Variants in FZD1 observed in about 807,000 individuals in gnomAD.
The protein encoded by FZD1 is frizzled-1.
Under a neutral mutation model 48.0 loss-of-function variants are expected in FZD1, and 22 were observed. That is an observed-to-expected ratio of 0.46 (90% CI 0.33 to 0.65). The LOEUF (loss-of-function observed/expected upper bound fraction) is 0.65. Among genes scored for constraint, FZD1 ranks in the 30% least tolerant of loss-of-function variants. The pLI, the probability that FZD1 is intolerant of heterozygous loss-of-function variation, is 0.02. For missense variants in FZD1, 843 were observed against 898.1 expected, an observed-to-expected ratio of 0.94 and a Z score of 0.78; for synonymous variants, 486 against 409.6, an observed-to-expected ratio of 1.19 and a Z score of -2.25.
Position 91,267,011 on chromosome 7 carries a change from G to A in FZD1, c.*187G>A, listed in dbSNP as rs1803895826. On this transcript the variant is annotated 3_prime_UTR_variant, in exon 1 of 1. Coordinates refer to ENST00000287934, the MANE Select transcript of FZD1 (RefSeq NM_003505.2). ...GTCCCTGAGGCAAAAGGACACGAGG[G>A]CCCGACTGCCAGAGGGAGGATGGAC... The A allele has an allele frequency of 2.5e-5, 14 of 563,984 alleles. No homozygotes were observed. In the East Asian group the frequency reaches 3.8e-4, roughly 15 times the overall value. The allele number at this position is 563,984 out of a possible 1,614,324, so 34.9% of individuals were successfully genotyped here.
chr7:91,269,521 T>G lies in FZD1; in HGVS notation c.*2697T>G, dbSNP rs1357004570. 1 of 166,974 alleles carries G rather than the reference T, an allele frequency of 6.0e-6. No individual in the cohort carries two copies. Among genetic ancestry groups the G allele is most frequent in the Non-Finnish European group, 1.5e-5 (1 of 68,066 alleles). The allele number at this position is 166,974 out of a possible 1,614,324, so 10.3% of individuals were successfully genotyped here. A position where few individuals can be genotyped will look rare whatever the true frequency, so the allele number is the denominator to read the frequency against. ...TTACTAAATTTTCCCATGAAAACAT[T>G]TTGTGATAAAATGACAAGGGACTAA... On this transcript the variant is annotated 3_prime_UTR_variant, in exon 1 of 1. Transcript: ENST00000287934.
Position 91,265,789 on chromosome 7 carries a change from C to T in FZD1, c.909C>T (p.Thr303=). ...ACTGCGGCGCACCTTGTGAGCCGAC[C>T]AAGGTGTATGGGCTCATGTACTTCG... The part of the protein sequence containing the change: ...EKDCGAPCEP[T]KVYGLMYFGP... Residue 303 remains threonine (T), a synonymous_variant, in exon 1 of 1, where the codon ACC becomes ACT. Transcript: ENST00000287934. This position sits in a 1 kb window ranked among gnomAD's most constrained non-coding sequence, Gnocchi z 6.9. 1 of 1,612,682 alleles carries T rather than the reference C, an allele frequency of 6.2e-7. No homozygotes were observed. The highest frequency in any genetic ancestry group is 8.5e-7 in the Non-Finnish European group (1 of 1,179,088).
chr7:91,264,474 G>A lies in FZD1; in HGVS notation c.-407G>A. On this transcript the variant is annotated 5_prime_UTR_variant, in exon 1 of 1. Transcript: ENST00000287934. ...AGGCAGAGGAGAGGGAGCGAGTTGA[G>A]GGATTGACACAAATGGTCAGGCGGC... The A allele has an allele frequency of 3.7e-6, 1 of 268,426 alleles. No individual in the cohort carries two copies. 16.6% of individuals were successfully genotyped at this position (268,426 alleles called of 1,614,324 possible). A position where few individuals can be genotyped will look rare whatever the true frequency, so the allele number is the denominator to read the frequency against.
Position 91,264,629 on chromosome 7 carries a change from G to A in FZD1, c.-252G>A. ...CGGGAGCCAGCGAGCCGAGGGCCAGGAAGGCGGGACACGACCCCGGCGCGC... is the reference window on the plus strand; with the variant it reads ...CGGGAGCCAGCGAGCCGAGGGCCAGAAAGGCGGGACACGACCCCGGCGCGC... On this transcript the variant is annotated 5_prime_UTR_variant, in exon 1 of 1. Coordinates refer to ENST00000287934, the MANE Select transcript of FZD1 (RefSeq NM_003505.2). The A allele has an allele frequency of 2.6e-6, 1 of 383,724 alleles. No individual in the cohort carries two copies. Among genetic ancestry groups the A allele is most frequent in the East Asian group, 3.8e-5 (1 of 26,644 alleles). The allele number at this position is 383,724 out of a possible 1,614,324, so 23.8% of individuals were successfully genotyped here. A position where few individuals can be genotyped will look rare whatever the true frequency, so the allele number is the denominator to read the frequency against.
rs1425287080 is a variant in FZD1, at chr7:91,267,715, G to T, written c.*891G>T. 2 of 167,092 alleles carry T rather than the reference G, an allele frequency of 1.2e-5. No homozygotes were observed. Among genetic ancestry groups the T allele is most frequent in the African/African-American group, 2.4e-5 (1 of 41,446 alleles). 10.4% of individuals were successfully genotyped at this position (167,092 alleles called of 1,614,324 possible). A position where few individuals can be genotyped will look rare whatever the true frequency, so the allele number is the denominator to read the frequency against. ...CCTTAGTTGGTTACAGGGTGAGTGA[G>T]ATAACCAATGCCAAACTTTTTGAAG... is the stretch of plus-strand genomic sequence containing the variant. On this transcript the variant is annotated 3_prime_UTR_variant, in exon 1 of 1. Transcript: ENST00000287934.
Position 91,264,788 on chromosome 7 carries a change from GCGC to G in FZD1, c.-92_-90del. ...GGCTTGGGCTCGACGGAGGGCACCC[GCGC>G]AGAGGTCTCCCTGGCCGCAGGGGGA... is the stretch of plus-strand genomic sequence containing the variant. On this transcript the variant is annotated 5_prime_UTR_variant, in exon 1 of 1. Transcript: ENST00000287934. 1.2e-6 allele frequency: 1 copy of G among 853,652 alleles called. No homozygotes were observed. The highest frequency in any genetic ancestry group is 3.4e-5 in the East Asian group (1 of 29,608). The allele number at this position is 853,652 out of a possible 1,614,324, so 52.9% of individuals were successfully genotyped here.
chr7:91,265,693 A>C lies in FZD1; in HGVS notation c.813A>C (p.Arg271=). ...CGGGGGGCGCCGGCGCGTCGGAGCG[A>C]GGCAAGTTCTCCTGCCCGCGCGCCC... ...GFPGGAGASE[R]GKFSCPRALK... Residue 271 remains arginine, a synonymous_variant, in exon 1 of 1, where the codon CGA becomes CGC. Coordinates refer to ENST00000287934, the MANE Select transcript of FZD1 (RefSeq NM_003505.2). The surrounding 1 kb of genome is among the most constrained non-coding windows in gnomAD (Gnocchi z 6.9). The C allele has an allele frequency of 6.3e-7, 1 of 1,592,986 alleles. No individual in the cohort carries two copies. The highest frequency in any genetic ancestry group is 8.5e-7 in the Non-Finnish European group (1 of 1,170,856).
In FZD1 at chr7:91,269,412, A is replaced by C. The variant is rs996873283; in HGVS notation, c.*2588A>C. Reference sequence around the variant, plus strand: ...AAATAGAGATGTAAAGTTTACTTACATTTCATAATATGGAAATATGGTTAT... The same window carrying C: ...AAATAGAGATGTAAAGTTTACTTACCTTTCATAATATGGAAATATGGTTAT... On this transcript the variant is annotated 3_prime_UTR_variant, in exon 1 of 1. Coordinates refer to ENST00000287934, the MANE Select transcript of FZD1 (RefSeq NM_003505.2). 5.4e-5 allele frequency: 9 copies of C among 167,016 alleles called. No individual in the cohort carries two copies. Among genetic ancestry groups the C allele is most frequent in the Non-Finnish European group, 1.2e-4 (8 of 68,082 alleles). 10.3% of individuals were successfully genotyped at this position (167,016 alleles called of 1,614,324 possible). A position where few individuals can be genotyped will look rare whatever the true frequency, so the allele number is the denominator to read the frequency against.
In FZD1 at chr7:91,266,680, C is replaced by T. The variant is rs1334944246; in HGVS notation, c.1800C>T (p.Phe600=). Residue 600 remains phenylalanine (F), a synonymous_variant, in exon 1 of 1, where the codon TTC becomes TTT. Transcript: ENST00000287934. The surrounding 1 kb of genome is among the most constrained non-coding windows in gnomAD (Gnocchi z 6.8). ...CGCACCCGCCCATGAGCCCGGACTT[C>T]ACGGTCTTCATGATTAAGTACCTTA... is the stretch of plus-strand genomic sequence containing the variant. The part of the protein sequence containing the change: ...APPHPPMSPD[F]TVFMIKYLMT... The T allele has an allele frequency of 7.4e-6, 12 of 1,612,774 alleles. No homozygotes were observed. The highest frequency in any genetic ancestry group is 9.3e-6 in the Non-Finnish European group (11 of 1,179,310).
chr7:91,266,329 C>T lies in FZD1; in HGVS notation c.1449C>T (p.Asn483=). The change falls in exon 1 of 1, where the codon AAC becomes AAT. Residue 483 remains asparagine, a synonymous_variant. Transcript: ENST00000287934. This position sits in a 1 kb window ranked among gnomAD's most constrained non-coding sequence, Gnocchi z 6.8. ...GAGTGTGCTTCGTGGGGCTTAACAACGTGGACGCGCTGCGTGGCTTCGTGC... is the reference window on the plus strand; with the variant it reads ...GAGTGTGCTTCGTGGGGCTTAACAATGTGGACGCGCTGCGTGGCTTCGTGC... The part of the protein sequence containing the change: ...LSGVCFVGLN[N]VDALRGFVLA... 2 of 1,614,152 alleles carry T rather than the reference C, an allele frequency of 1.2e-6. No homozygotes were observed. Among genetic ancestry groups the T allele is most frequent in the African/African-American group, 1.3e-5 (1 of 75,078 alleles).
In FZD1 at chr7:91,269,322, A is replaced by G. The variant is rs1322164730; in HGVS notation, c.*2498A>G. 1 of 166,846 alleles carries G rather than the reference A, an allele frequency of 6.0e-6. No individual in the cohort carries two copies. The highest frequency in any genetic ancestry group is 6.5e-5 in the Admixed American group (1 of 15,278). The allele number at this position is 166,846 out of a possible 1,614,324, so 10.3% of individuals were successfully genotyped here. A position where few individuals can be genotyped will look rare whatever the true frequency, so the allele number is the denominator to read the frequency against. ...GTCTACTCTTAGTCAGAATTTATGC[A>G]TGGGTGTATATATGTGTATATATAG... is the stretch of plus-strand genomic sequence containing the variant. On this transcript the variant is annotated 3_prime_UTR_variant, in exon 1 of 1. Coordinates refer to ENST00000287934, the MANE Select transcript of FZD1 (RefSeq NM_003505.2).
Position 91,267,856 on chromosome 7 carries a change from T to C in FZD1, c.*1032T>C, listed in dbSNP as rs890527585. The C allele has an allele frequency of 1.2e-5, 2 of 167,070 alleles. No homozygotes were observed. The highest frequency in any genetic ancestry group is 4.8e-5 in the African/African-American group (2 of 41,444). The allele number at this position is 167,070 out of a possible 1,614,324, so 10.3% of individuals were successfully genotyped here. ...AGATTTGGGAAGAAGCATGAAGCTT[T>C]GTGTGGGTTGGAAGAGACTGAAGAT... On this transcript the variant is annotated 3_prime_UTR_variant, in exon 1 of 1. Coordinates refer to ENST00000287934, the MANE Select transcript of FZD1 (RefSeq NM_003505.2).
chr7:91,265,128 C>T lies in FZD1; in HGVS notation c.248C>T (p.Pro83Leu). 2.6e-6 allele frequency: 4 copies of T among 1,537,074 alleles called. No homozygotes were observed. The highest frequency in any genetic ancestry group is 2.6e-6 in the Non-Finnish European group (3 of 1,140,394). ...GCGGGCCAGGGGCCAGGCCAGGGGCCCGGGCCGGGGCAGCAACCGCCGCCG... is the reference window on the plus strand; with the variant it reads ...GCGGGCCAGGGGCCAGGCCAGGGGCTCGGGCCGGGGCAGCAACCGCCGCCG... ...QAAGQGPGQGPGPGQQPPPPP... is the reference protein window; with the variant it reads ...QAAGQGPGQGLGPGQQPPPPP... Residue 83 changes from proline (P) to leucine (L), a missense_variant, in exon 1 of 1, where the codon CCC becomes CTC. Physicochemically the swap from Pro to Leu is moderately conservative, Grantham distance 98. This residue lies in a region of FZD1 where 490 missense variants were observed against 466.5 expected (regional missense o/e 1.05). Transcript: ENST00000287934. The surrounding 1 kb of genome is among the most constrained non-coding windows in gnomAD (Gnocchi z 6.9).
rs113597661 is a variant in FZD1, at chr7:91,270,228, T to C, written c.*3404T>C. Reference sequence around the variant, plus strand: ...GGGGTCAATTTCCCCCCTCACAGTGTACTTAATTTAGCTTTTGGAGTAAAT... The same window carrying C: ...GGGGTCAATTTCCCCCCTCACAGTGCACTTAATTTAGCTTTTGGAGTAAAT... On this transcript the variant is annotated 3_prime_UTR_variant, in exon 1 of 1. Transcript: ENST00000287934. 5,737 of 167,160 alleles carry C rather than the reference T, an allele frequency of 0.034. 163 individuals are homozygous for C. Among genetic ancestry groups the C allele is most frequent in the Non-Finnish European group, 0.044 (3,007 of 68,094 alleles). The allele number at this position is 167,160 out of a possible 1,614,324, so 10.4% of individuals were successfully genotyped here.
Position 91,267,056 on chromosome 7 carries a change from T to C in FZD1, c.*232T>C, listed in dbSNP as rs1464110231. 7.9e-6 allele frequency: 4 copies of C among 508,378 alleles called. No individual in the cohort carries two copies. Among genetic ancestry groups the C allele is most frequent in the Non-Finnish European group, 1.4e-5 (4 of 278,688 alleles). The allele number at this position is 508,378 out of a possible 1,614,324, so 31.5% of individuals were successfully genotyped here. A position where few individuals can be genotyped will look rare whatever the true frequency, so the allele number is the denominator to read the frequency against. On this transcript the variant is annotated 3_prime_UTR_variant, in exon 1 of 1. Transcript: ENST00000287934. ...ATGGACAGACCTCTTGCCCTCACACTCTGGTACCAGGACTGTTCGCTTTTA... is the reference window on the plus strand; with the variant it reads ...ATGGACAGACCTCTTGCCCTCACACCCTGGTACCAGGACTGTTCGCTTTTA...
At position 91,266,585 on chromosome 7, in the gene FZD1, TG is replaced by T; in HGVS notation, c.1708del (p.Val570TrpfsTer27). The T allele has an allele frequency of 6.2e-7, 1 of 1,613,670 alleles. No homozygotes were observed. Among genetic ancestry groups the T allele is most frequent in the Non-Finnish European group, 8.5e-7 (1 of 1,180,028 alleles). ...QAFRDQWERSWVAQSCKSYAI... is the reference protein window; with the variant it reads ...QAFRDQWERSXVAQSCKSYAI... ...CTTCCGGGACCAGTGGGAACGCAGC[TG>T]GGTGGCCCAGAGCTGCAAGAGCTAC... On this transcript the variant is annotated frameshift_variant, in exon 1 of 1. Coordinates refer to ENST00000287934, the MANE Select transcript of FZD1 (RefSeq NM_003505.2). LOFTEE classifies it high-confidence loss of function. This position sits in a 1 kb window ranked among gnomAD's most constrained non-coding sequence, Gnocchi z 6.8.
In FZD1 at chr7:91,266,002, C is replaced by A; in HGVS notation, c.1122C>A (p.Leu374=). The stretch of plus-strand genomic sequence containing the variant: ...CCGTGGCCTACATCGCCGGCTTCCT[C>A]CTGGAAGACCGAGTGGTGTGTAATG... ...AVAVAYIAGF[L]LEDRVVCNDK... Residue 374 remains leucine, a synonymous_variant, in exon 1 of 1, where the codon CTC becomes CTA. Coordinates refer to ENST00000287934, the MANE Select transcript of FZD1 (RefSeq NM_003505.2). This position sits in a 1 kb window ranked among gnomAD's most constrained non-coding sequence, Gnocchi z 6.8. The A allele has an allele frequency of 1.9e-6, 3 of 1,614,160 alleles. No individual in the cohort carries two copies. Among genetic ancestry groups the A allele is most frequent in the Non-Finnish European group, 2.5e-6 (3 of 1,180,034 alleles).
At position 91,269,093 on chromosome 7, in the gene FZD1, A is replaced by G. The variant is rs890812649; in HGVS notation, c.*2269A>G. ...ATTTTTAAATCATCACCTTTCTCATATTTTTTAGAGGTATTGTCTTATCTC... is the reference window on the plus strand; with the variant it reads ...ATTTTTAAATCATCACCTTTCTCATGTTTTTTAGAGGTATTGTCTTATCTC... On this transcript the variant is annotated 3_prime_UTR_variant, in exon 1 of 1. Coordinates refer to ENST00000287934, the MANE Select transcript of FZD1 (RefSeq NM_003505.2). 1.2e-5 allele frequency: 2 copies of G among 166,846 alleles called. No individual in the cohort carries two copies. Among genetic ancestry groups the G allele is most frequent in the African/African-American group, 4.8e-5 (2 of 41,442 alleles). The allele number at this position is 166,846 out of a possible 1,614,324, so 10.3% of individuals were successfully genotyped here. A position where few individuals can be genotyped will look rare whatever the true frequency, so the allele number is the denominator to read the frequency against.
chr7:91,265,650 G>A lies in FZD1; in HGVS notation c.770G>A (p.Gly257Glu), dbSNP rs762843825. Reference sequence around the variant, plus strand: ...AGCAACCCTCAGCACGGCGGCGGAGGGCACCGTGGCGGCTTCCCGGGGGGC... The same window carrying A: ...AGCAACCCTCAGCACGGCGGCGGAGAGCACCGTGGCGGCTTCCCGGGGGGC... Reference protein sequence around the residue: ...WTSNPQHGGGGHRGGFPGGAG... With the variant: ...WTSNPQHGGGEHRGGFPGGAG... The change falls in exon 1 of 1, where the codon GGG becomes GAG. Residue 257 changes from glycine (G) to glutamate (E), a missense_variant. Coordinates refer to ENST00000287934, the MANE Select transcript of FZD1 (RefSeq NM_003505.2). This position sits in a 1 kb window ranked among gnomAD's most constrained non-coding sequence, Gnocchi z 6.9. 4 of 1,568,146 alleles carry A rather than the reference G, an allele frequency of 2.6e-6. No homozygotes were observed. In the African/African-American group the frequency reaches 5.4e-5, roughly 21 times the overall value.
Sources: allele counts gnomAD v4.1 joint callset, GRCh38; gene constraint gnomAD v4.1.1; regional missense constraint gnomAD v4.1.1; non-coding constraint Gnocchi (gnomAD v3.1); transcripts MANE v1.5; gene names NCBI Gene and HGNC (gene_info 2026-07-23, HGNC 2026-07-21).